The following HPSE2 variants were observed in gnomAD, a reference collection of about 807,000 sequenced individuals.
HPSE2 encodes the protein heparanase 2 (inactive), also known as inactive heparanase-2.
HPSE2 carries 38 observed loss-of-function variants against 60.5 expected under a neutral mutation model. The ratio of observed to expected loss-of-function variants is 0.63; its 90% CI spans 0.48 to 0.82. HPSE2 has a LOEUF of 0.82. Among genes scored for constraint, HPSE2 ranks in the 40% least tolerant of loss-of-function variants. HPSE2 has a pLI of 0.00. For synonymous variants in HPSE2, 295 were observed against 293.2 expected (o/e 1.01, Z -0.06); for missense variants, 713 against 740.4 (o/e 0.96, Z 0.43).
intron 3 of HPSE2, among the ~76,000 whole-genome samples, chr10:98,910,236 G>A (rs1457731254): frequency 6.6e-6 from 1 of 152,156 alleles, no homozygotes; most frequent in African/African-American, 2.4e-5. Flanking sequence ...CCAGGGTGGA[G>A]ATAAGGCACT....
In HPSE2 at chr10:98,624,055, T is replaced by C. The variant is rs183685786; in HGVS notation, c.1099-3347A>G. 9.9e-4 allele frequency among the ~76,000 whole-genome samples: 151 copies of C among 152,280 alleles called. 2 individuals carry two copies. Among genetic ancestry groups the C allele is most frequent in the Non-Finnish European group, 2.6e-4 (18 of 68,022 alleles). Reference sequence around the variant, plus strand: ...CATTAACTAATTCATTCAACAAATATTTATTGAGCACCTACTATATGCCAA... The same window carrying C: ...CATTAACTAATTCATTCAACAAATACTTATTGAGCACCTACTATATGCCAA... On this transcript the variant is annotated intron_variant, in intron 7 of 11. Transcript: ENST00000370552.
At chr10:98,646,145 G>A (rs1395614513) in intron 6 of HPSE2, among the ~76,000 whole-genome samples, 29 of 152,126 alleles carry the variant, frequency 1.9e-4, no homozygotes, top group Admixed American at 1.9e-3. Flanking sequence ...CTATTTGAAA[G>A]CTTCTTCCCA....
intron 3 of HPSE2, among the ~76,000 whole-genome samples, chr10:98,945,518 T>C (rs1334643358): frequency 6.6e-6 from 1 of 152,076 alleles, no homozygotes; most frequent in Non-Finnish European, 1.5e-5. Flanking sequence ...ATCAACATAA[T>C]GAAATAATAT....
At chr10:98,857,463 G>A (rs1952345908) in intron 3 of HPSE2, among the ~76,000 whole-genome samples, 1 of 152,088 alleles carries the variant, frequency 6.6e-6, no homozygotes, top group Non-Finnish European at 1.5e-5. Flanking sequence ...TCTCTTTATT[G>A]GTTGAGAACA....
At chr10:99,092,308 TAATA>T (rs1273163924) in intron 3 of HPSE2, among the ~76,000 whole-genome samples, 2 of 152,104 alleles carry the variant, frequency 1.3e-5, no homozygotes, top group Non-Finnish European at 2.9e-5. Context: ...GCGTACTAAA[TAATA>T]AGAGTTTACT....
intron 3 of HPSE2, among the ~76,000 whole-genome samples, chr10:98,868,010 C>T (rs1051775942): frequency 2.6e-5 from 4 of 151,172 alleles, no homozygotes; most frequent in South Asian, 2.1e-4. Context: ...TGCAGTGAGC[C>T]GAGATCGTGC....
At chr10:98,836,289 A>C (rs1021838328) in intron 3 of HPSE2, among the ~76,000 whole-genome samples, 5 of 152,206 alleles carry the variant, frequency 3.3e-5, no homozygotes, top group Non-Finnish European at 7.3e-5. Flanking sequence ...TTAGAGTCTA[A>C]AACCACCTTT....
intron 3 of HPSE2, among the ~76,000 whole-genome samples, chr10:99,086,943 C>T (rs1227849926): frequency 6.6e-6 from 1 of 152,194 alleles, no homozygotes; most frequent in African/African-American, 2.4e-5. Context: ...AATTATTAAA[C>T]TCTAGACAAC....
intron 9 of HPSE2, among the ~76,000 whole-genome samples, chr10:98,553,041 A>G (rs1943906879): frequency 6.6e-6 from 1 of 152,190 alleles, no homozygotes; most frequent in African/African-American, 2.4e-5. Flanking sequence ...CAGGATATAA[A>G]TTATTTTTAG....
chr10:98,606,536 A>G (rs1047049645), intron 9 of HPSE2, among the ~76,000 whole-genome samples: 1 of 152,238 alleles, frequency 6.6e-6, no homozygotes, highest in Non-Finnish European at 1.5e-5. Context: ...CAACAAGACG[A>G]GGGTGAATTT....
intron 3 of HPSE2, among the ~76,000 whole-genome samples, chr10:98,800,648 A>G (rs777638911): frequency 9.9e-5 from 15 of 151,938 alleles, no homozygotes; most frequent in Non-Finnish European, 1.8e-4. Flanking sequence ...ATTCCTAGAC[A>G]CATACAACCT....
the HPSE2 span, among the ~76,000 whole-genome samples, chr10:99,263,285 C>T: frequency 6.6e-6 from 1 of 152,138 alleles, no homozygotes; most frequent in Non-Finnish European, 1.5e-5. Context: ...ACTGCTCTGC[C>T]CCTCTCCACT....
intron 5 of HPSE2, among the ~76,000 whole-genome samples, chr10:98,698,582 T>G (rs1014612623): frequency 6.6e-6 from 1 of 151,822 alleles, no homozygotes; most frequent in African/African-American, 2.4e-5. Flanking sequence ...TTAAAAGAAC[T>G]AGAAAAGCAA....
At chr10:99,075,573 T>C (rs1026851564) in intron 3 of HPSE2, among the ~76,000 whole-genome samples, 2 of 152,124 alleles carry the variant, frequency 1.3e-5, no homozygotes, top group Admixed American at 1.3e-4. Flanking sequence ...AGTCAGCTGT[T>C]TCCTTATTGA....
intron 3 of HPSE2, among the ~76,000 whole-genome samples, chr10:99,140,637 T>C (rs959960135): frequency 6.6e-6 from 1 of 152,218 alleles, no homozygotes; most frequent in Non-Finnish European, 1.5e-5. Flanking sequence ...CACAAGGATC[T>C]ACCTCAAAAG....
chr10:99,180,544 C>T (rs1018249455), intron 2 of HPSE2, among the ~76,000 whole-genome samples: 1 of 152,012 alleles, frequency 6.6e-6, no homozygotes, highest in Non-Finnish European at 1.5e-5. Context: ...AAATCAAAAC[C>T]ACAATGAGAT....
chr10:98,575,140 C>T (rs541785960), intron 9 of HPSE2, among the ~76,000 whole-genome samples: 5 of 152,266 alleles, frequency 3.3e-5, no homozygotes, highest in South Asian at 2.1e-4. Context: ...ATAGGCTCCT[C>T]AGTTTAAGCA....
intron 3 of HPSE2, among the ~76,000 whole-genome samples, chr10:98,983,411 T>C (rs1956255574): frequency 6.6e-6 from 1 of 152,200 alleles, no homozygotes; most frequent in African/African-American, 2.4e-5. Context: ...AAAGATACGA[T>C]GTTGGAAATG....
chr10:98,666,861 C>A (rs543882640), intron 6 of HPSE2, among the ~76,000 whole-genome samples: 146 of 151,978 alleles, frequency 9.6e-4, no homozygotes, highest in Middle Eastern at 3.4e-3. Flanking sequence ...GCTAACATTG[C>A]ACCTAGAGAA....
Sources: gnomAD v4.1 joint callset for allele counts (sites outside exome capture counted in the v4.1 genomes callset) on GRCh38, gnomAD v4.1.1 for gene constraint, MANE v1.5 for transcripts, NCBI Gene and HGNC (gene_info 2026-07-23, HGNC 2026-07-21) for gene names.